The following RNF150 variants were observed in gnomAD, a reference collection of about 807,000 sequenced individuals.
The protein encoded by RNF150 is ring finger protein 150.
A neutral mutation model predicts 39.3 loss-of-function variants in RNF150; 24 were observed. The observed-to-expected ratio is 0.61, with a 90% CI of 0.44 to 0.86. The LOEUF (loss-of-function observed/expected upper bound fraction) is 0.86, where lower values mean the gene tolerates loss of function less well. Ranked by LOEUF, RNF150 falls within the 40% of genes least tolerant of loss-of-function variation. The pLI, the probability that RNF150 is intolerant of heterozygous loss-of-function variation, is 0.00. For missense variants in RNF150, 502 were observed against 587.8 expected (o/e 0.85, Z 1.51); for synonymous variants, 255 against 227.3 (o/e 1.12, Z -1.10).
chr4:140,994,660 A>C lies in RNF150; in HGVS notation c.485-26787T>G, dbSNP rs563694696. 2.0e-5 allele frequency among the ~76,000 whole-genome samples: 3 copies of C among 152,348 alleles called. No individual in the cohort carries two copies. In the South Asian group the frequency reaches 6.2e-4, roughly 32 times the overall value. On this transcript the variant is annotated intron_variant, in intron 1 of 6. Coordinates refer to ENST00000515673, the MANE Select transcript of RNF150 (RefSeq NM_020724.2). ...AGGAAACCTAGGCTATAACAAAATG[A>C]AAAAAGGTTTTACACATTCCCTGAG... is the stretch of plus-strand genomic sequence containing the variant.
chr4:141,196,873 CA>C (rs1728209817), intron 1 of RNF150, among the ~76,000 whole-genome samples: 1 of 152,180 alleles, frequency 6.6e-6, no homozygotes, highest in Non-Finnish European at 1.5e-5. Flanking sequence ...GCCTTAGAGA[CA>C]AGTTCCAGAA....
chr4:141,013,260 C>T (rs950995634), intron 1 of RNF150, among the ~76,000 whole-genome samples: 2 of 151,994 alleles, frequency 1.3e-5, no homozygotes, highest in African/African-American at 4.8e-5. Context: ...ACTGTTCTAC[C>T]CCACAAAAGT....
At chr4:140,945,521 C>CAT (rs555616823) in intron 4 of RNF150, among the ~76,000 whole-genome samples, 27 of 148,484 alleles carry the variant, frequency 1.8e-4, no homozygotes, top group Admixed American at 7.4e-4. Context: ...ACACACACTA[C>CAT]ATATATATAC....
chr4:140,967,362 T>G (rs1733285793), intron 2 of RNF150, among the ~76,000 whole-genome samples: 1 of 152,124 alleles, frequency 6.6e-6, no homozygotes, highest in African/African-American at 2.4e-5. Flanking sequence ...TTTGTTCCCC[T>G]CATTATGTGG....
intron 6 of RNF150, among the ~76,000 whole-genome samples, chr4:140,893,988 G>C (rs1337962545): frequency 2.0e-5 from 3 of 152,130 alleles, no homozygotes; most frequent in Non-Finnish European, 2.9e-5. Context: ...TAACATGGGG[G>C]TTAAGGTTTT....
Position 141,008,413 on chromosome 4 carries a change from T to C in RNF150, c.485-40540A>G, listed in dbSNP as rs141624629. On this transcript the variant is annotated intron_variant, in intron 1 of 6. Transcript: ENST00000515673. The stretch of plus-strand genomic sequence containing the variant: ...TAATGGAGTCTTTGAATGAACATTT[T>C]CAATTTAATTAAGTCCAATTTATTA... Among the ~76,000 whole-genome samples the C allele has an allele frequency of 6.4e-3, 981 of 152,294 alleles. 14 individuals carry two copies. The highest frequency in any genetic ancestry group is 0.02 in the African/African-American group (842 of 41,572).
At chr4:141,101,635 G>T (rs1739014245) in intron 1 of RNF150, among the ~76,000 whole-genome samples, 1 of 152,022 alleles carries the variant, frequency 6.6e-6, no homozygotes, top group Non-Finnish European at 1.5e-5. Context: ...ATAATTGTAT[G>T]TGCTACACTT....
In RNF150 at chr4:140,997,712, A is replaced by ACACGTGTGTG. The variant is rs1491199564; in HGVS notation, c.485-29840_485-29839insCACACACGTG. 2.4e-3 allele frequency among the ~76,000 whole-genome samples: 358 copies of ACACGTGTGTG among 151,120 alleles called. 1 individual carries two copies. Among genetic ancestry groups the ACACGTGTGTG allele is most frequent in the Non-Finnish European group, 3.6e-3 (245 of 67,650 alleles). On this transcript the variant is annotated intron_variant, in intron 1 of 6. Transcript: ENST00000515673. ...CCTGTGTGTGTATATATACACACAC[A>ACACGTGTGTG]TATATGTGTGTATAAAAAGATACTA...
rs541355397 is a variant in RNF150, at chr4:140,865,925, A to G, written c.*2336T>C. On this transcript the variant is annotated 3_prime_UTR_variant, in exon 7 of 7. Coordinates refer to ENST00000515673, the MANE Select transcript of RNF150 (RefSeq NM_020724.2). ...CACTGGACTAAACTTAATACCAGTA[A>G]TACTAAAATTTGTTTTGGGCAAAGC... 1 of 152,386 alleles carries G rather than the reference A, an allele frequency of 6.6e-6. No homozygotes were observed. The highest frequency in any genetic ancestry group is 1.9e-4 in the East Asian group (1 of 5,194). The allele number at this position is 152,386 out of a possible 1,614,324, so 9.4% of individuals were successfully genotyped here.
intron 1 of RNF150, among the ~76,000 whole-genome samples, chr4:141,148,211 A>T (rs1387673985): frequency 1.3e-5 from 2 of 152,178 alleles, no homozygotes; most frequent in Non-Finnish European, 2.9e-5. Context: ...GTAAAATAAA[A>T]TAATATATAG....
intron 1 of RNF150, among the ~76,000 whole-genome samples, chr4:141,052,713 T>G (rs374852087): frequency 3.5e-4 from 54 of 152,178 alleles, no homozygotes; most frequent in Middle Eastern, 3.4e-3. Context: ...TACAAAAAAT[T>G]TTAAGTGACA....
Position 140,865,182 on chromosome 4 carries a change from T to C in RNF150, c.*3079A>G, listed in dbSNP as rs918446634. Reference sequence around the variant, plus strand: ...TTAGTACACAAAAGCATGTAAAACATGTCATTAATTTACATTAGTGACATG... The same window carrying C: ...TTAGTACACAAAAGCATGTAAAACACGTCATTAATTTACATTAGTGACATG... On this transcript the variant is annotated 3_prime_UTR_variant, in exon 7 of 7. Coordinates refer to ENST00000515673, the MANE Select transcript of RNF150 (RefSeq NM_020724.2). 6.6e-6 allele frequency: 1 copy of C among 152,202 alleles called. No homozygotes were observed. The highest frequency in any genetic ancestry group is 2.4e-5 in the African/African-American group (1 of 41,464). The allele number at this position is 152,202 out of a possible 1,614,324, so 9.4% of individuals were successfully genotyped here.
At chr4:141,010,898 C>T (rs73858480) in intron 1 of RNF150, among the ~76,000 whole-genome samples, 1 of 152,028 alleles carries the variant, frequency 6.6e-6, no homozygotes, top group African/African-American at 2.4e-5. Context: ...ATGGGTGTAG[C>T]TTGAAGAAGA....
At chr4:140,990,625 T>G (rs189376818) in intron 1 of RNF150, among the ~76,000 whole-genome samples, 1 of 152,216 alleles carries the variant, frequency 6.6e-6, no homozygotes, top group East Asian at 1.9e-4. Context: ...CTGAGGATAA[T>G]GGCTTCCAGC....
intron 1 of RNF150, among the ~76,000 whole-genome samples, chr4:141,184,754 A>T (rs1025101164): frequency 6.6e-6 from 1 of 152,292 alleles, no homozygotes; most frequent in South Asian, 2.1e-4. Flanking sequence ...CTTTTATTAA[A>T]TAGGGAATCC....
chr4:140,979,122 A>G (rs1444737198), intron 1 of RNF150, among the ~76,000 whole-genome samples: 1 of 152,158 alleles, frequency 6.6e-6, no homozygotes, highest in African/African-American at 2.4e-5. Flanking sequence ...TACAAAAAGT[A>G]GCCTCTCTGT....
chr4:140,909,113 C>G (rs150311629), intron 6 of RNF150, among the ~76,000 whole-genome samples: 1 of 152,230 alleles, frequency 6.6e-6, no homozygotes, highest in African/African-American at 2.4e-5. Flanking sequence ...TCTGAGACCA[C>G]CTGGTACACC....
intron 1 of RNF150, among the ~76,000 whole-genome samples, chr4:141,184,356 T>TTTTTG (rs1727964603): frequency 6.6e-6 from 1 of 151,918 alleles, no homozygotes; most frequent in Non-Finnish European, 1.5e-5. Flanking sequence ...TGGGGTTGTT[T>TTTTTG]TTTTCTTGTA....
chr4:140,928,963 G>T (rs57537917), intron 4 of RNF150, among the ~76,000 whole-genome samples: 1 of 152,092 alleles, frequency 6.6e-6, no homozygotes, highest in Non-Finnish European at 1.5e-5. Flanking sequence ...CAAAATCCTC[G>T]TTTGCTTGAT....
Sources: allele counts gnomAD v4.1 joint callset (sites outside exome capture counted in the v4.1 genomes callset), GRCh38; gene constraint gnomAD v4.1.1; transcripts MANE v1.5; gene names NCBI Gene and HGNC (gene_info 2026-07-23, HGNC 2026-07-21).